CCNI: variants seen among roughly 807,000 people sequenced by gnomAD.
The protein encoded by CCNI is cyclin I.
Under a neutral mutation model 34.1 loss-of-function variants are expected in CCNI, and 14 were observed. That is an observed-to-expected ratio of 0.41 (90% CI 0.27 to 0.64). The LOEUF (loss-of-function observed/expected upper bound fraction) is 0.64, where lower values mean the gene tolerates loss of function less well. Among genes scored for constraint, CCNI ranks in the 30% least tolerant of loss-of-function variants. CCNI has a pLI of 0.31. For missense variants in CCNI, 385 were observed against 440.5 expected (o/e 0.87, Z 1.13); for synonymous variants, 154 against 158.4 (o/e 0.97, Z 0.21).
chr4:77,063,547 G>A (rs557327405), intron 2 of CCNI, among the ~76,000 whole-genome samples: 7 of 151,968 alleles, frequency 4.6e-5, no homozygotes, highest in Middle Eastern at 6.8e-3. Flanking sequence ...AAAATTAGCC[G>A]GGCGTTGTGG....
At chr4:77,064,835 C>T (rs1156237141) in intron 2 of CCNI, 2 of 152,102 alleles carry the variant, frequency 1.3e-5, no homozygotes, top group Non-Finnish European at 2.9e-5. Flanking sequence ...TGACTCACCA[C>T]ACCCAGCTAA....
chr4:77,075,877 G>A lies in CCNI; in HGVS notation c.-449C>T, dbSNP rs1483003437. 1.3e-5 allele frequency: 2 copies of A among 149,416 alleles called. No homozygotes were observed. The highest frequency in any genetic ancestry group is 4.9e-5 in the African/African-American group (2 of 40,526). The allele number at this position is 149,416 out of a possible 1,614,324, so 9.3% of individuals were successfully genotyped here. On this transcript the variant is annotated 5_prime_UTR_variant, in exon 1 of 7. Coordinates refer to ENST00000237654, the MANE Select transcript of CCNI (RefSeq NM_006835.3). ...CCGAGGGGAAATGGTGAAAGGGGGGGAGGGGAGAAAAGAAAAGAAAAAAAA... is the reference window on the plus strand; with the variant it reads ...CCGAGGGGAAATGGTGAAAGGGGGGAAGGGGAGAAAAGAAAAGAAAAAAAA...
chr4:77,061,117 A>G (rs1298837763), intron 2 of CCNI, among the ~76,000 whole-genome samples: 1 of 152,098 alleles, frequency 6.6e-6, no homozygotes, highest in Non-Finnish European at 1.5e-5. Context: ...TGCATAGCCA[A>G]TGTTATCATC....
At chr4:77,070,765 A>G (rs4252801) in intron 1 of CCNI, among the ~76,000 whole-genome samples, 1,887 of 152,178 alleles carry the variant, frequency 0.012, 44 homozygotes, top group African/African-American at 0.043. Flanking sequence ...CCAAGGCAGG[A>G]GGAGCTATCG....
chr4:77,051,915 A>G (rs1388885165), intron 6 of CCNI, among the ~76,000 whole-genome samples: 1 of 152,078 alleles, frequency 6.6e-6, no homozygotes, highest in African/African-American at 2.4e-5. Context: ...CCACCTTCAA[A>G]AAGAACCAGG....
At position 77,075,598 on chromosome 4, in the gene CCNI, G is replaced by T; in HGVS notation, c.-170C>A. ...AGGCGCGCGGAGGCGGTGCGCGCGG[G>T]ACGACTCGGCCAACTGAGGAGGGAG... On this transcript the variant is annotated 5_prime_UTR_variant, in exon 1 of 7. Coordinates refer to ENST00000237654, the MANE Select transcript of CCNI (RefSeq NM_006835.3). 1.0e-6 allele frequency: 1 copy of T among 987,398 alleles called. No homozygotes were observed. Among genetic ancestry groups the T allele is most frequent in the Non-Finnish European group, 1.2e-6 (1 of 829,740 alleles). 61.2% of individuals were successfully genotyped at this position (987,398 alleles called of 1,614,324 possible). A position where few individuals can be genotyped will look rare whatever the true frequency, so the allele number is the denominator to read the frequency against.
chr4:77,055,489 G>A (rs1407518608), intron 5 of CCNI, 109 bp from the exon 6 acceptor site: 1 of 724,194 alleles, frequency 1.4e-6, no homozygotes, highest in Non-Finnish European at 2.2e-6. Context: ...TTGAGACAGA[G>A]TCTCACTCTG....
At chr4:77,048,962 GTTTTTT>G (rs538284505) in intron 6 of CCNI, among the ~76,000 whole-genome samples, 553 of 47,594 alleles carry the variant, frequency 0.012, 2 homozygotes, top group African/African-American at 0.032. Context: ...TCCAACGTCT[GTTTTTT>G]TTTTTTTTTT....
At chr4:77,068,370 G>A (rs1729205312) in intron 1 of CCNI, among the ~76,000 whole-genome samples, 2 of 152,232 alleles carry the variant, frequency 1.3e-5, no homozygotes, top group South Asian at 4.1e-4. Context: ...TTGGCAGGAT[G>A]TGGAGACATA....
Position 77,066,273 on chromosome 4 carries a change from A to C in CCNI, c.90T>G (p.Asn30Lys), listed in dbSNP as rs772490157. ...ITREAQMWKV[N>K]VRKMPSNQNV... ...CCTGATTTGAAGGCATTTTCCGCAC[A>C]TTCACTTTCCACATCTGTGCTTCCC... The change falls in exon 2 of 7, where the codon AAT (asparagine) becomes AAG (lysine). Residue 30 changes from asparagine to lysine, a missense_variant. Asn to Lys is a moderately conservative substitution (Grantham distance 94). Coordinates refer to ENST00000237654, the MANE Select transcript of CCNI (RefSeq NM_006835.3). The C allele has an allele frequency of 6.2e-7, 1 of 1,614,094 alleles. No individual in the cohort carries two copies. The highest frequency in any genetic ancestry group is 1.1e-5 in the South Asian group (1 of 91,076).
Position 77,048,244 on chromosome 4 carries a change from G to C in CCNI, c.1109C>G (p.Pro370Arg), listed in dbSNP as rs774065228. 2 of 1,613,760 alleles carry C rather than the reference G, an allele frequency of 1.2e-6. No individual in the cohort carries two copies. Among genetic ancestry groups the C allele is most frequent in the Admixed American group, 1.7e-5 (1 of 60,000 alleles). ...RQEGHASPCPPLQPVSVM is the reference protein window; with the variant it reads ...RQEGHASPCPRLQPVSVM Reference sequence around the variant, plus strand: ...CTACATGACAGAAACAGGCTGCAAAGGTGGACAAGGGGAAGCATGTCCCTC... The same window carrying C: ...CTACATGACAGAAACAGGCTGCAAACGTGGACAAGGGGAAGCATGTCCCTC... The change falls in exon 7 of 7, where the codon CCT becomes CGT. Residue 370 changes from proline (P) to arginine (R), a missense_variant. By Grantham distance (103) the Pro-to-Arg change is moderately radical. Coordinates refer to ENST00000237654, the MANE Select transcript of CCNI (RefSeq NM_006835.3).
chr4:77,070,017 C>CTT (rs569456948), intron 1 of CCNI, among the ~76,000 whole-genome samples: 51 of 131,558 alleles, frequency 3.9e-4, no homozygotes, highest in African/African-American at 6.0e-4. Context: ...AAATCATGGG[C>CTT]TTTTTTTTTT....
chr4:77,075,958 G>GC lies in CCNI; in HGVS notation c.-531dup, dbSNP rs1294010206. Reference sequence around the variant, plus strand: ...GAAAAAGCGAGACAGAGGCGCTGCCGCGTCCGCTCGCGGGGAAGGCTGGGG... The same window carrying GC: ...GAAAAAGCGAGACAGAGGCGCTGCCGCCGTCCGCTCGCGGGGAAGGCTGGGG... On this transcript the variant is annotated 5_prime_UTR_variant, in exon 1 of 7. Transcript: ENST00000237654. 5 of 152,056 alleles carry GC rather than the reference G, an allele frequency of 3.3e-5. No homozygotes were observed. The highest frequency in any genetic ancestry group is 5.9e-5 in the Non-Finnish European group (4 of 67,988). The allele number at this position is 152,056 out of a possible 1,614,324, so 9.4% of individuals were successfully genotyped here.
intron 6 of CCNI, among the ~76,000 whole-genome samples, chr4:77,053,151 C>T (rs1229810165): frequency 1.3e-5 from 2 of 152,216 alleles, no homozygotes; most frequent in South Asian, 4.1e-4. Flanking sequence ...TAGCTCCGTT[C>T]TTCTATTCTA....
intron 2 of CCNI, among the ~76,000 whole-genome samples, chr4:77,060,340 T>C (rs538726007): frequency 3.3e-5 from 5 of 152,350 alleles, no homozygotes; most frequent in African/African-American, 1.2e-4. Flanking sequence ...ACCTCTAAAC[T>C]ACCCAATTCT....
At chr4:77,070,843 T>C (rs1283326819) in intron 1 of CCNI, among the ~76,000 whole-genome samples, 1 of 152,092 alleles carries the variant, frequency 6.6e-6, no homozygotes. Flanking sequence ...ACAGTGAAAA[T>C]CTTTATATAA....
intron 2 of CCNI, among the ~76,000 whole-genome samples, chr4:77,063,430 G>A (rs1333866028): frequency 2.0e-5 from 3 of 151,532 alleles, no homozygotes; most frequent in Non-Finnish European, 4.4e-5. Context: ...TGGGTGCGGT[G>A]GCTCATGCCT....
chr4:77,048,981 T>G (rs966743334), intron 6 of CCNI, among the ~76,000 whole-genome samples: 5 of 146,532 alleles, frequency 3.4e-5, no homozygotes, highest in East Asian at 2.0e-4. Context: ...TTTTTTTTTT[T>G]TTTTTTTCAG....
At chr4:77,051,182 A>G (rs1727800788) in intron 6 of CCNI, among the ~76,000 whole-genome samples, 1 of 152,140 alleles carries the variant, frequency 6.6e-6, no homozygotes, top group South Asian at 2.1e-4. Flanking sequence ...CTTCCTGAAT[A>G]TTTTCAATTC....
Sources: allele counts gnomAD v4.1 joint callset (sites outside exome capture counted in the v4.1 genomes callset), GRCh38; gene constraint gnomAD v4.1.1; transcripts MANE v1.5; gene names NCBI Gene and HGNC (gene_info 2026-07-23, HGNC 2026-07-21).